HOXA11: variants seen among roughly 807,000 people sequenced by gnomAD.
The protein encoded by HOXA11 is homeobox protein Hox-A11.
A neutral mutation model predicts 22.5 loss-of-function variants in HOXA11; 8 were observed. The observed-to-expected ratio is 0.36, with a 90% CI of 0.21 to 0.64. HOXA11 has a LOEUF of 0.64. HOXA11 is among the 30% of genes least tolerant of loss of function. HOXA11 has a pLI of 0.67. For synonymous variants in HOXA11, 211 were observed against 188.4 expected, an observed-to-expected ratio of 1.12 and a Z score of -0.98; for missense variants, 388 against 429.0, an observed-to-expected ratio of 0.90 and a Z score of 0.84.
At position 27,183,747 on chromosome 7, in the gene HOXA11, TAAAAAAAAAAAA is replaced by T. The variant is rs61633228; in HGVS notation, c.709+677_709+688del. On this transcript the variant is annotated intron_variant, in intron 1 of 1. Transcript: ENST00000006015. ...GGGCAGGCTCTACTTGCTCCCCCTTTAAAAAAAAAAAAAAAAAAAAAAAAAAGACCCACAAGA... is the reference window on the plus strand; with the variant it reads ...GGGCAGGCTCTACTTGCTCCCCCTTTAAAAAAAAAAAAAAGACCCACAAGA... 1.5e-4 allele frequency among the ~76,000 whole-genome samples: 8 copies of T among 53,610 alleles called. No homozygotes were observed. In the East Asian group the frequency reaches 2.9e-3, roughly 19 times the overall value. The allele number at this position is 53,610 out of a possible 152,430, so 35.2% of individuals were successfully genotyped here.
chr7:27,184,481 G>A lies in HOXA11; in HGVS notation c.664C>T (p.Pro222Ser), dbSNP rs1338444393. 1 of 1,550,684 alleles carries A rather than the reference G, an allele frequency of 6.4e-7. No individual in the cohort carries two copies. Among genetic ancestry groups the A allele is most frequent in the South Asian group, 1.2e-5 (1 of 84,062 alleles). The change falls in exon 1 of 2, where the codon CCC (proline) becomes TCC (serine). Residue 222 changes from proline to serine, a missense_variant. Around this residue, in one of 4 missense-constraint regions of HOXA11, gnomAD observed 295 missense variants for 281.1 expected, o/e 1.05. Coordinates refer to ENST00000006015, the MANE Select transcript of HOXA11 (RefSeq NM_005523.6). ...RRRRPESSSS[P>S]ESSSGHTEDK... Reference sequence around the variant, plus strand: ...TCAGTGTGGCCGGAAGACGACTCGGGGCTGCTGCTGCTCTCGGGGCGCCGC... The same window carrying A: ...TCAGTGTGGCCGGAAGACGACTCGGAGCTGCTGCTGCTCTCGGGGCGCCGC...
At chr7:27,183,247 C>A (rs1783797702) in intron 1 of HOXA11, among the ~76,000 whole-genome samples, 1 of 152,212 alleles carries the variant, frequency 6.6e-6, no homozygotes, top group African/African-American at 2.4e-5. Flanking sequence ...CTAAATAGGC[C>A]CCCGGGGAAG....
rs143812636 is a variant in HOXA11, at chr7:27,184,749, C to G, written c.396G>C (p.Arg132Ser). The change falls in exon 1 of 2, where the codon AGG becomes AGC. Residue 132 changes from arginine (R) to serine (S), a missense_variant. Physicochemically the swap from Arg to Ser is moderately radical, Grantham distance 110. Coordinates refer to ENST00000006015, the MANE Select transcript of HOXA11 (RefSeq NM_005523.6). ...VSSNFYSTVG[R>S]NGVLPQAFDQ... ...CGAAAGCCTGTGGCAGGACGCCGTTCCTGCCCACGGTGCTATAGAAATTGG... is the reference window on the plus strand; with the variant it reads ...CGAAAGCCTGTGGCAGGACGCCGTTGCTGCCCACGGTGCTATAGAAATTGG... 698 of 1,613,838 alleles carry G rather than the reference C, an allele frequency of 4.3e-4. 1 individual carries two copies. The highest frequency in any genetic ancestry group is 5.7e-4 in the Non-Finnish European group (668 of 1,179,948).
chr7:27,182,113 TTTGG>T lies in HOXA11; in HGVS notation c.*679_*682del. The T allele has an allele frequency of 1.3e-5, 3 of 236,610 alleles. No individual in the cohort carries two copies. Among genetic ancestry groups the T allele is most frequent in the South Asian group, 3.4e-4 (2 of 5,820 alleles). 14.7% of individuals were successfully genotyped at this position (236,610 alleles called of 1,614,324 possible). A position where few individuals can be genotyped will look rare whatever the true frequency, so the allele number is the denominator to read the frequency against. On this transcript the variant is annotated 3_prime_UTR_variant, in exon 2 of 2. Transcript: ENST00000006015. ...TGGCAGGCTGGAACCAAGACCCTCA[TTTGG>T]TAGAAAGAAAAGCCAGGTGGGCTGT...
Position 27,182,553 on chromosome 7 carries a change from G to T in HOXA11, c.*243C>A. On this transcript the variant is annotated 3_prime_UTR_variant, in exon 2 of 2. Transcript: ENST00000006015. ...CAGGCTCCAAGAGTGAACCACCAGG[G>T]GTCCCAAACCTGTCATTCTAGCTGA... 3 of 560,346 alleles carry T rather than the reference G, an allele frequency of 5.4e-6. No individual in the cohort carries two copies. The highest frequency in any genetic ancestry group is 9.7e-6 in the Non-Finnish European group (3 of 310,710). The allele number at this position is 560,346 out of a possible 1,614,324, so 34.7% of individuals were successfully genotyped here. A position where few individuals can be genotyped will look rare whatever the true frequency, so the allele number is the denominator to read the frequency against.
In HOXA11 at chr7:27,182,675, G is replaced by A; in HGVS notation, c.*121C>T. The A allele has an allele frequency of 1.3e-6, 1 of 749,386 alleles. No homozygotes were observed. The highest frequency in any genetic ancestry group is 2.5e-6 in the Non-Finnish European group (1 of 406,678). The allele number at this position is 749,386 out of a possible 1,614,324, so 46.4% of individuals were successfully genotyped here. A position where few individuals can be genotyped will look rare whatever the true frequency, so the allele number is the denominator to read the frequency against. On this transcript the variant is annotated 3_prime_UTR_variant, in exon 2 of 2. Transcript: ENST00000006015. ...CCACCTCCTGTGGGGCTATCTCCAT[G>A]CATCCCTCTCTTGCACACCTCTTTT...
At position 27,182,235 on chromosome 7, in the gene HOXA11, T is replaced by C; in HGVS notation, c.*561A>G. 4.0e-6 allele frequency: 1 copy of C among 249,076 alleles called. No individual in the cohort carries two copies. Among genetic ancestry groups the C allele is most frequent in the Non-Finnish European group, 7.9e-6 (1 of 126,478 alleles). 15.4% of individuals were successfully genotyped at this position (249,076 alleles called of 1,614,324 possible). A position where few individuals can be genotyped will look rare whatever the true frequency, so the allele number is the denominator to read the frequency against. Reference sequence around the variant, plus strand: ...CTGATGCCACCTGGAATCATAGATTTCTTTTCCCACAAGGATTTGCAGCCC... The same window carrying C: ...CTGATGCCACCTGGAATCATAGATTCCTTTTCCCACAAGGATTTGCAGCCC... On this transcript the variant is annotated 3_prime_UTR_variant, in exon 2 of 2. Coordinates refer to ENST00000006015, the MANE Select transcript of HOXA11 (RefSeq NM_005523.6).
rs1295923045 is a variant in HOXA11, at chr7:27,185,223, C to G, written c.-79G>C. On this transcript the variant is annotated 5_prime_UTR_variant, in exon 1 of 2. Coordinates refer to ENST00000006015, the MANE Select transcript of HOXA11 (RefSeq NM_005523.6). ...TGCAGCTGCCTCTTTGAAGCGGATC[C>G]GTGAAGTAGAAATTTGGAGACGTAA... The G allele has an allele frequency of 2.5e-6, 4 of 1,599,614 alleles. No homozygotes were observed. In the South Asian group the frequency reaches 4.4e-5, roughly 18 times the overall value.
rs1783824563 is a variant in HOXA11 at position 27,184,482 on chromosome 7, G to A, written c.663C>T (p.Ser221=). The A allele has an allele frequency of 6.5e-7, 1 of 1,548,604 alleles. No homozygotes were observed. Among genetic ancestry groups the A allele is most frequent in the African/African-American group, 1.4e-5 (1 of 72,342 alleles). ...ERRRRPESSS[S]PESSSGHTED... is the part of the protein sequence containing the mutation. ...CAGTGTGGCCGGAAGACGACTCGGGGCTGCTGCTGCTCTCGGGGCGCCGCC... is the reference window on the plus strand; with the variant it reads ...CAGTGTGGCCGGAAGACGACTCGGGACTGCTGCTGCTCTCGGGGCGCCGCC... Residue 221 remains serine (S), a synonymous_variant, in exon 1 of 2, where the codon AGC becomes AGT. Coordinates refer to ENST00000006015, the MANE Select transcript of HOXA11 (RefSeq NM_005523.6).
Position 27,182,771 on chromosome 7 carries a change from C to A in HOXA11, c.*25G>T. 1.4e-6 allele frequency: 2 copies of A among 1,402,472 alleles called. No individual in the cohort carries two copies. Among genetic ancestry groups the A allele is most frequent in the Non-Finnish European group, 1.0e-6 (1 of 987,606 alleles). The allele number at this position is 1,402,472 out of a possible 1,614,324, so 86.9% of individuals were successfully genotyped here. A position where few individuals can be genotyped will look rare whatever the true frequency, so the allele number is the denominator to read the frequency against. On this transcript the variant is annotated 3_prime_UTR_variant, in exon 2 of 2. Transcript: ENST00000006015. ...TATTATCTCATGTGTATGAAGCCCC[C>A]CACCCAATTCCAGCCGCTGGAGTCT...
Position 27,182,782 on chromosome 7 carries a change from C to A in HOXA11, c.*14G>T, listed in dbSNP as rs752576612. 2.6e-6 allele frequency: 4 copies of A among 1,523,678 alleles called. No individual in the cohort carries two copies. The South Asian group carries it at 4.5e-5, about 17-fold the overall frequency. 94.4% of individuals were successfully genotyped at this position (1,523,678 alleles called of 1,614,324 possible). ...GTGTATGAAGCCCCCCACCCAATTC[C>A]AGCCGCTGGAGTCTTAGAGGAGTGG... On this transcript the variant is annotated 3_prime_UTR_variant, in exon 2 of 2. Transcript: ENST00000006015.
rs764993725 is a variant in HOXA11, at chr7:27,184,501, C to A, written c.644G>T (p.Arg215Leu). 1.1e-4 allele frequency: 175 copies of A among 1,533,274 alleles called. No individual in the cohort carries two copies. The highest frequency in any genetic ancestry group is 1.4e-4 in the Non-Finnish European group (163 of 1,139,568). The allele number at this position is 1,533,274 out of a possible 1,614,324, so 95.0% of individuals were successfully genotyped here. A position where few individuals can be genotyped will look rare whatever the true frequency, so the allele number is the denominator to read the frequency against. Residue 215 changes from arginine to leucine, a missense_variant, in exon 1 of 2, where the codon CGC (arginine) becomes CTC (leucine). Around this residue, in one of 4 missense-constraint regions of HOXA11, gnomAD observed 295 missense variants for 281.1 expected, o/e 1.05. Coordinates refer to ENST00000006015, the MANE Select transcript of HOXA11 (RefSeq NM_005523.6). ...AAAEEKERRR[R>L]PESSSSPESS... Reference sequence around the variant, plus strand: ...CTCGGGGCTGCTGCTGCTCTCGGGGCGCCGCCGCCGCTCTTTCTCCTCTGC... The same window carrying A: ...CTCGGGGCTGCTGCTGCTCTCGGGGAGCCGCCGCCGCTCTTTCTCCTCTGC...
In HOXA11 at chr7:27,182,452, T is replaced by A. The variant is rs1356973365; in HGVS notation, c.*344A>T. 6.7e-6 allele frequency: 3 copies of A among 445,620 alleles called. No individual in the cohort carries two copies. The highest frequency in any genetic ancestry group is 8.0e-5 in the East Asian group (2 of 25,066). 27.6% of individuals were successfully genotyped at this position (445,620 alleles called of 1,614,324 possible). A position where few individuals can be genotyped will look rare whatever the true frequency, so the allele number is the denominator to read the frequency against. ...GGGTAGGCTCCCAGTAGAGGGAGGG[T>A]GTGGTGGGGTTAGTCTCCAGGGGGT... On this transcript the variant is annotated 3_prime_UTR_variant, in exon 2 of 2. Coordinates refer to ENST00000006015, the MANE Select transcript of HOXA11 (RefSeq NM_005523.6).
rs1435179606 is a variant in HOXA11, at chr7:27,184,808, T to G, written c.337A>C (p.Asn113His). Residue 113 changes from asparagine to histidine, a missense_variant, in exon 1 of 2, where the codon AAC becomes CAC. Asn to His is a moderately conservative substitution (Grantham distance 68). Transcript: ENST00000006015. ...PGDVLAKSSA[N>H]VYHHPTPAVS... ...GCGGGGGTGGGGTGGTGGTAGACGT[T>G]GGCCGAGCTCTTGGCCAGCACGTCG... 6.2e-7 allele frequency: 1 copy of G among 1,613,820 alleles called. No individual in the cohort carries two copies. The highest frequency in any genetic ancestry group is 8.5e-7 in the Non-Finnish European group (1 of 1,179,884).
intron 1 of HOXA11, 87 bp from the exon 2 acceptor site, chr7:27,183,115 TG>T (rs1783796226): frequency 1.2e-6 from 1 of 855,144 alleles, no homozygotes; most frequent in Non-Finnish European, 1.9e-6. Flanking sequence ...AGGGCTGCCA[TG>T]GGGACTGGTG....
chr7:27,183,747 T>TAAAAA (rs61633228), intron 1 of HOXA11, among the ~76,000 whole-genome samples: 4,690 of 53,496 alleles, frequency 0.088, 452 homozygotes, highest in Non-Finnish European at 0.12. Context: ...GCTCCCCCTT[T>TAAAAA]AAAAAAAAAA....
At position 27,184,573 on chromosome 7, in the gene HOXA11, C is replaced by T; in HGVS notation, c.572G>A (p.Ser191Asn). ...GCCGCCGCCGCCGCCGCTGTCCGAA[C>T]TTGAAGTTGCCGGCGCGCCCGTTGC... Reference protein sequence around the residue: ...AAATGAPATSSSDSGGGGGCR... With the variant: ...AAATGAPATSNSDSGGGGGCR... Residue 191 changes from serine to asparagine, a missense_variant, in exon 1 of 2, where the codon AGT becomes AAT. This residue lies in a region of HOXA11 where 295 missense variants were observed against 281.1 expected (regional missense o/e 1.05). Coordinates refer to ENST00000006015, the MANE Select transcript of HOXA11 (RefSeq NM_005523.6). 1 of 1,507,066 alleles carries T rather than the reference C, an allele frequency of 6.6e-7. No individual in the cohort carries two copies. The highest frequency in any genetic ancestry group is 8.9e-7 in the Non-Finnish European group (1 of 1,126,948). The allele number at this position is 1,507,066 out of a possible 1,614,324, so 93.4% of individuals were successfully genotyped here.
In HOXA11 at chr7:27,182,069, T is replaced by C. The variant is rs1024117976; in HGVS notation, c.*727A>G. 1 of 234,978 alleles carries C rather than the reference T, an allele frequency of 4.3e-6. No homozygotes were observed. Among genetic ancestry groups the C allele is most frequent in the African/African-American group, 2.2e-5 (1 of 45,300 alleles). 14.6% of individuals were successfully genotyped at this position (234,978 alleles called of 1,614,324 possible). On this transcript the variant is annotated 3_prime_UTR_variant, in exon 2 of 2. Transcript: ENST00000006015. ...ACCTCAGGGAACAGTCCACTCTGTGTCGAGGCTTTGGGCCTGAGTGGCAGG... is the reference window on the plus strand; with the variant it reads ...ACCTCAGGGAACAGTCCACTCTGTGCCGAGGCTTTGGGCCTGAGTGGCAGG...
In HOXA11 at chr7:27,184,589, C is replaced by A. The variant is rs766858171; in HGVS notation, c.556G>T (p.Ala186Ser). Residue 186 changes from alanine (A) to serine (S), a missense_variant, in exon 1 of 2, where the codon GCG (alanine) becomes TCG (serine). By Grantham distance (99) the Ala-to-Ser change is moderately conservative. This residue lies in a region of HOXA11 where 295 missense variants were observed against 281.1 expected (regional missense o/e 1.05). Transcript: ENST00000006015. The part of the protein sequence containing the change: ...SAAAAAAATG[A>S]PATSSSDSGG... ...CTGTCCGAACTTGAAGTTGCCGGCG[C>A]GCCCGTTGCAGCCGCCGCCGCCGCC... The A allele has an allele frequency of 9.4e-6, 14 of 1,493,424 alleles. No individual in the cohort carries two copies. Among genetic ancestry groups the A allele is most frequent in the Non-Finnish European group, 1.2e-5 (14 of 1,120,544 alleles). 92.5% of individuals were successfully genotyped at this position (1,493,424 alleles called of 1,614,324 possible).
Sources: allele counts gnomAD v4.1 joint callset (sites outside exome capture counted in the v4.1 genomes callset), GRCh38; gene constraint gnomAD v4.1.1; regional missense constraint gnomAD v4.1.1; transcripts MANE v1.5; gene names NCBI Gene and HGNC (gene_info 2026-07-23, HGNC 2026-07-21).